Variants in RCC1L observed in about 807,000 individuals in gnomAD.
RCC1L encodes the protein RCC1 like, also known as RCC1-like G exchanging factor-like protein.
RCC1L carries 46 observed loss-of-function variants against 58.6 expected under a neutral mutation model. That is an observed-to-expected ratio of 0.79 (90% CI 0.62 to 1.00). The LOEUF is 1.00. Among genes scored for constraint, RCC1L ranks in the 50% least tolerant of loss-of-function variants. The probability of loss-of-function intolerance (pLI) is 0.00; values close to 1 mark genes in which losing one functional copy is unlikely to be tolerated. For missense variants in RCC1L, 636 were observed against 623.6 expected (o/e 1.02, Z -0.21); for synonymous variants, 281 against 262.9 (o/e 1.07, Z -0.67).
rs967180330 is a variant in RCC1L, at chr7:75,047,801, C to G, written c.1318-4692G>C. On this transcript the variant is annotated intron_variant, in intron 10 of 10. Coordinates refer to ENST00000610322, the MANE Select transcript of RCC1L (RefSeq NM_030798.5). ...AGCTGGGATTACAGGCGTGCACCCC[C>G]ACGCCTGGCTAATTTTTGTATTTTT... Among the ~76,000 whole-genome samples the G allele has an allele frequency of 5.9e-5, 9 of 151,500 alleles. No individual in the cohort carries two copies. The East Asian group carries it at 9.9e-4, about 17-fold the overall frequency.
intron 10 of RCC1L, among the ~76,000 whole-genome samples, chr7:75,036,125 T>C (rs1273340682): frequency 6.6e-6 from 1 of 150,988 alleles, no homozygotes; most frequent in Non-Finnish European, 1.5e-5. Context: ...TCTTTTTTTT[T>C]TTTTTTTTTT....
At position 75,073,348 on chromosome 7, in the gene RCC1L, C is replaced by G. The variant is rs917734499; in HGVS notation, c.324+66G>C. Reference sequence around the variant, plus strand: ...AGCCAACTTCTTGAAGAGAGCCGAACAGGTCGAGGGAGGCCGGGAGCGCGG... The same window carrying G: ...AGCCAACTTCTTGAAGAGAGCCGAAGAGGTCGAGGGAGGCCGGGAGCGCGG... On this transcript the variant is annotated intron_variant, in intron 1 of 10. Coordinates refer to ENST00000610322, the MANE Select transcript of RCC1L (RefSeq NM_030798.5). The G allele has an allele frequency of 8.4e-5, 60 of 716,422 alleles. No homozygotes were observed. The African/African-American group carries it at 9.5e-4, about 11-fold the overall frequency. 44.4% of individuals were successfully genotyped at this position (716,422 alleles called of 1,614,324 possible).
At chr7:75,029,753 T>C (rs1371091815) in intron 10 of RCC1L, among the ~76,000 whole-genome samples, 1 of 151,954 alleles carries the variant, frequency 6.6e-6, no homozygotes, top group Non-Finnish European at 1.5e-5. Flanking sequence ...ATTGGAGACA[T>C]TGGTTAGTGT....
chr7:75,052,581 G>A, intron 10 of RCC1L, 130 bp downstream of exon 10: 1 of 833,020 alleles, frequency 1.2e-6, no homozygotes, highest in Non-Finnish European at 2.0e-6. Context: ...CAGGAGTGCA[G>A]CCAGGACCCG....
At position 75,073,466 on chromosome 7, in the gene RCC1L, C is replaced by G. The variant is rs781899517; in HGVS notation, c.272G>C (p.Arg91Pro). ...SSGPGPRAGA[R>P]PRRRIQPVPY... Reference sequence around the variant, plus strand: ...CACGGGCTGGATCCTGCGGCGCGGTCGGGCGCCGGCGCGGGGCCCGGGCCC... The same window carrying G: ...CACGGGCTGGATCCTGCGGCGCGGTGGGGCGCCGGCGCGGGGCCCGGGCCC... Residue 91 changes from arginine (R) to proline (P), a missense_variant, in exon 1 of 11, where the codon CGA (arginine) becomes CCA (proline). Arg to Pro is a moderately radical substitution (Grantham distance 103, BLOSUM62 -2). Transcript: ENST00000610322. 2.9e-6 allele frequency: 4 copies of G among 1,377,194 alleles called. No individual in the cohort carries two copies. The highest frequency in any genetic ancestry group is 2.8e-6 in the Non-Finnish European group (3 of 1,071,152). 85.3% of individuals were successfully genotyped at this position (1,377,194 alleles called of 1,614,324 possible).
chr7:75,039,817 G>A (rs1234050249), downstream of RCC1L, among the ~76,000 whole-genome samples: 6 of 152,176 alleles, frequency 3.9e-5, no homozygotes, highest in Admixed American at 2.0e-4. Context: ...TCACTAAAGC[G>A]AGAGGAGACG....
At chr7:75,054,577 T>G (rs1417329216) in intron 9 of RCC1L, among the ~76,000 whole-genome samples, 1 of 152,170 alleles carries the variant, frequency 6.6e-6, no homozygotes, top group Non-Finnish European at 1.5e-5. Flanking sequence ...CCAAAATTAG[T>G]CCATACGACT....
rs1805952949 is a variant in RCC1L at position 75,052,755 on chromosome 7, A to G, written c.1273T>C (p.Cys425Arg). Residue 425 changes from cysteine (C) to arginine (R), a missense_variant, in exon 10 of 11, where the codon TGC becomes CGC. By Grantham distance (180) the Cys-to-Arg change is radical. Coordinates refer to ENST00000610322, the MANE Select transcript of RCC1L (RefSeq NM_030798.5). ...TCCTCCAGGCGACCGATTCCCAGGCACCCTCGGATGTTCTTGCCCCATACA... is the reference window on the plus strand; with the variant it reads ...TCCTCCAGGCGACCGATTCCCAGGCGCCCTCGGATGTTCTTGCCCCATACA... Reference protein sequence around the residue: ...LFVWGKNIRGCLGIGRLEDQY... With the variant: ...LFVWGKNIRGRLGIGRLEDQY... The G allele has an allele frequency of 1.2e-6, 2 of 1,613,174 alleles. No homozygotes were observed. The highest frequency in any genetic ancestry group is 1.7e-6 in the Non-Finnish European group (2 of 1,179,718).
rs1049496622 is a variant in RCC1L, at chr7:75,042,791, C to A, written c.*241G>T. ...GAGAACAGAGACGTGCGGGCCACAG[C>A]GGCCCACCAAAGGCTGCCATCCAAG... is the stretch of plus-strand genomic sequence containing the variant. On this transcript the variant is annotated 3_prime_UTR_variant, in exon 11 of 11. Coordinates refer to ENST00000610322, the MANE Select transcript of RCC1L (RefSeq NM_030798.5). The A allele has an allele frequency of 4.1e-5, 58 of 1,429,328 alleles. No individual in the cohort carries two copies. The African/African-American group carries it at 8.2e-4, about 20-fold the overall frequency. 88.5% of individuals were successfully genotyped at this position (1,429,328 alleles called of 1,614,324 possible).
chr7:75,047,358 C>T lies in RCC1L; in HGVS notation c.1318-4249G>A, dbSNP rs1026709974. Among the ~76,000 whole-genome samples, 53 of 152,324 alleles carry T rather than the reference C, an allele frequency of 3.5e-4. 2 individuals are homozygous for T. The highest frequency in any genetic ancestry group is 3.4e-3 in the Middle Eastern group (1 of 294). ...CATAGCTCACTGCAGCTTCCAACTCCTGGGCTCAAGTGATCCTCCTGCCTC... is the reference window on the plus strand; with the variant it reads ...CATAGCTCACTGCAGCTTCCAACTCTTGGGCTCAAGTGATCCTCCTGCCTC... On this transcript the variant is annotated intron_variant, in intron 10 of 10. Transcript: ENST00000610322.
At chr7:75,027,950 AG>A in exon 11 of RCC1L, 1 of 1,418,228 alleles carries the variant, frequency 7.1e-7, no homozygotes. Context: ...CCCCACTTGG[AG>A]GGGCATGTGT....
chr7:75,070,747 T>C lies in RCC1L; in HGVS notation c.347A>G (p.Tyr116Cys), dbSNP rs1554445961. 7 of 1,613,986 alleles carry C rather than the reference T, an allele frequency of 4.3e-6. No homozygotes were observed. The highest frequency in any genetic ancestry group is 1.7e-5 in the Admixed American group (1 of 59,976). The change falls in exon 2 of 11, where the codon TAT becomes TGT. Residue 116 changes from tyrosine (Y) to cysteine (C), a missense_variant. Physicochemically the swap from Tyr to Cys is radical, Grantham distance 194. Coordinates refer to ENST00000610322, the MANE Select transcript of RCC1L (RefSeq NM_030798.5). ...DQKISSAACG[Y>C]GFTLLSSKTA... ...CTTAGAGGACAGCAGTGTGAATCCA[T>C]AGCCGCAAGCAGCAGATGAAATCTG...
chr7:75,042,105 G>T, downstream of RCC1L: 2 of 847,628 alleles, frequency 2.4e-6, no homozygotes, highest in Non-Finnish European at 2.8e-6. Context: ...ACTGGCTTCT[G>T]CCTCTGTATC....
At chr7:75,060,694 G>C (rs1437648491) in intron 6 of RCC1L, among the ~76,000 whole-genome samples, 12 of 152,114 alleles carry the variant, frequency 7.9e-5, no homozygotes, top group Admixed American at 7.9e-4. Flanking sequence ...GCCTCCCAAA[G>C]TGCTGGGATT....
chr7:75,042,011 G>T (rs937942913), downstream of RCC1L: 3 of 287,704 alleles, frequency 1.0e-5, no homozygotes, highest in Non-Finnish European at 1.6e-5. Context: ...TGAGGCCAGG[G>T]GTTGGAGCCT....
downstream of RCC1L, among the ~76,000 whole-genome samples, chr7:75,041,577 G>A (rs1805567563): frequency 6.6e-6 from 1 of 152,004 alleles, no homozygotes; most frequent in African/African-American, 2.4e-5. Context: ...TGTCAAGTAT[G>A]GCTGGGTGCG....
At chr7:75,043,405 T>C (rs1414636606) in intron 10 of RCC1L, among the ~76,000 whole-genome samples, 4 of 152,186 alleles carry the variant, frequency 2.6e-5, no homozygotes, top group African/African-American at 4.8e-5. Flanking sequence ...ACCATTCACA[T>C]CAGCCTGAGA....
chr7:75,071,691 G>A (rs782587564), intron 1 of RCC1L, among the ~76,000 whole-genome samples: 1 of 151,826 alleles, frequency 6.6e-6, no homozygotes, highest in Non-Finnish European at 1.5e-5. Context: ...CTCTTAGCGC[G>A]GTAGGTAAGT....
intron 10 of RCC1L, among the ~76,000 whole-genome samples, chr7:75,050,132 G>A (rs1805859624): frequency 6.6e-6 from 1 of 151,656 alleles, no homozygotes; most frequent in African/African-American, 2.4e-5. Flanking sequence ...AAAAGCAAAT[G>A]ATAGCCAGGC....
Sources: allele counts gnomAD v4.1 joint callset (sites outside exome capture counted in the v4.1 genomes callset), GRCh38; gene constraint gnomAD v4.1.1; transcripts MANE v1.5; gene names NCBI Gene and HGNC (gene_info 2026-07-23, HGNC 2026-07-21).